ARB2A: variants seen among roughly 807,000 people sequenced by gnomAD.
The protein encoded by ARB2A is cotranscriptional regulator ARB2A.
At chr5:93,857,184 C>T in the ARB2A span, among the ~76,000 whole-genome samples, 1 of 151,894 alleles carries the variant, frequency 6.6e-6, no homozygotes, top group Non-Finnish European at 1.5e-5. Flanking sequence ...AGGTGTCAGT[C>T]TGCCCCTACT....
At chr5:93,853,749 A>C in the ARB2A span, among the ~76,000 whole-genome samples, 2 of 152,100 alleles carry the variant, frequency 1.3e-5, no homozygotes, top group African/African-American at 2.4e-5. Flanking sequence ...TGTTTATATG[A>C]TGGATTACAT....
the ARB2A span, among the ~76,000 whole-genome samples, chr5:94,093,523 T>C: frequency 6.6e-6 from 1 of 152,178 alleles, no homozygotes; most frequent in Non-Finnish European, 1.5e-5. Flanking sequence ...CCCACCTTTA[T>C]GACCTCATTT....
the ARB2A span, among the ~76,000 whole-genome samples, chr5:94,096,392 A>G: frequency 6.6e-6 from 1 of 152,218 alleles, no homozygotes; most frequent in Non-Finnish European, 1.5e-5. Flanking sequence ...TTTAATACAA[A>G]TAGTGTGTCT....
the ARB2A span, among the ~76,000 whole-genome samples, chr5:93,700,837 A>G: frequency 1.3e-5 from 2 of 152,310 alleles, no homozygotes; most frequent in East Asian, 1.9e-4. Flanking sequence ...AGTACTTACT[A>G]TTATCCTGGA....
chr5:93,798,124 AAC>A, the ARB2A span, among the ~76,000 whole-genome samples: 3 of 152,120 alleles, frequency 2.0e-5, no homozygotes, highest in Admixed American at 2.0e-4. Flanking sequence ...AGGAATGAGG[AAC>A]AAATGTTGAG....
At chr5:93,870,046 C>T in the ARB2A span, among the ~76,000 whole-genome samples, 1 of 152,228 alleles carries the variant, frequency 6.6e-6, no homozygotes, top group African/African-American at 2.4e-5. Flanking sequence ...AGAAGCCACC[C>T]ATTCTAGAGA....
the ARB2A span, among the ~76,000 whole-genome samples, chr5:93,927,014 TGAAAAA>T: frequency 7.4e-6 from 1 of 134,946 alleles, no homozygotes; most frequent in Non-Finnish European, 1.6e-5. Context: ...CATCCCAAAA[TGAAAAA>T]ACTGCTTGGA....
the ARB2A span, among the ~76,000 whole-genome samples, chr5:93,978,803 A>C: frequency 4.7e-3 from 716 of 152,206 alleles, 40 homozygotes; most frequent in East Asian, 0.1. Context: ...TATTCTTTCT[A>C]TATTACAAAA....
At chr5:93,825,646 G>A in the ARB2A span, among the ~76,000 whole-genome samples, 1 of 152,038 alleles carries the variant, frequency 6.6e-6, no homozygotes, top group African/African-American at 2.4e-5. Context: ...TTATTTTGGT[G>A]CAATAAAAAT....
At chr5:93,936,365 A>C in the ARB2A span, among the ~76,000 whole-genome samples, 3 of 152,174 alleles carry the variant, frequency 2.0e-5, no homozygotes, top group Non-Finnish European at 4.4e-5. Context: ...GAGTTTTATG[A>C]AAAGGTTTAT....
the ARB2A span, among the ~76,000 whole-genome samples, chr5:94,100,528 C>G: frequency 6.6e-6 from 1 of 152,110 alleles, no homozygotes; most frequent in African/African-American, 2.4e-5. Flanking sequence ...TGTTACCCGA[C>G]CTCAAACCAT....
chr5:93,740,671 A>G, the ARB2A span: 7 of 1,613,610 alleles, frequency 4.3e-6, no homozygotes, highest in Non-Finnish European at 5.9e-6. Flanking sequence ...ATCCACTGGG[A>G]GCCCCAGTCC....
At chr5:93,970,570 T>G in the ARB2A span, among the ~76,000 whole-genome samples, 1 of 152,146 alleles carries the variant, frequency 6.6e-6, no homozygotes, top group Admixed American at 6.5e-5. Context: ...ACCTGTTATG[T>G]GGGACACTGG....
chr5:94,008,567 T>C, the ARB2A span, among the ~76,000 whole-genome samples: 1 of 152,296 alleles, frequency 6.6e-6, no homozygotes, highest in Non-Finnish European at 1.5e-5. Context: ...ATGAATTATA[T>C]TCTAAATTTG....
chr5:93,875,800 CAAAA>C, the ARB2A span, among the ~76,000 whole-genome samples: 1 of 112,628 alleles, frequency 8.9e-6, no homozygotes. Flanking sequence ...GATCTGGGGG[CAAAA>C]AAAAAAAAAG....
At chr5:93,729,074 C>T in the ARB2A span, among the ~76,000 whole-genome samples, 3 of 152,158 alleles carry the variant, frequency 2.0e-5, no homozygotes, top group East Asian at 5.8e-4. Flanking sequence ...CACTTTTCCT[C>T]CCCTTCCTGA....
the ARB2A span, among the ~76,000 whole-genome samples, chr5:93,674,419 T>C: frequency 6.6e-6 from 1 of 152,218 alleles, no homozygotes; most frequent in Non-Finnish European, 1.5e-5. Flanking sequence ...TAATCAAAAA[T>C]GTATCTTGGA....
chr5:93,750,294 A>G, the ARB2A span, among the ~76,000 whole-genome samples: 2,097 of 152,312 alleles, frequency 0.014, 56 homozygotes, highest in African/African-American at 0.047. Context: ...CTTGCTACTT[A>G]TGCTGATTTG....
the ARB2A span, chr5:93,784,277 C>T: frequency 2.8e-6 from 2 of 707,262 alleles, no homozygotes; most frequent in Non-Finnish European, 5.0e-6. Context: ...AATGTTCTGC[C>T]TCTAGAAAGG....
Sources: gnomAD v4.1 joint callset for allele counts (sites outside exome capture counted in the v4.1 genomes callset) on GRCh38, gnomAD v4.1.1 for gene constraint, MANE v1.5 for transcripts, NCBI Gene and HGNC (gene_info 2026-07-23, HGNC 2026-07-21) for gene names.